Variants in TPRG1 observed in about 807,000 individuals in gnomAD.
TPRG1 encodes the protein tumor protein p63 regulated 1, also known as tumor protein p63-regulated gene 1 protein.
TPRG1 carries 29 observed loss-of-function variants against 29.3 expected under a neutral mutation model. The observed-to-expected ratio is 0.99, with a 90% confidence interval of 0.74 to 1.35. TPRG1 has a LOEUF of 1.35. Among genes scored for constraint, TPRG1 ranks in the 40% most tolerant of loss-of-function variants. The probability of loss-of-function intolerance (pLI) is 0.00; values close to 1 mark genes in which losing one functional copy is unlikely to be tolerated. For missense variants in TPRG1, 327 were observed against 335.0 expected (o/e 0.98, Z 0.19); for synonymous variants, 130 against 116.8 (o/e 1.11, Z -0.73).
At chr3:189,078,606 GT>G (rs1429896318) in intron 4 of TPRG1, among the ~76,000 whole-genome samples, 2 of 152,124 alleles carry the variant, frequency 1.3e-5, no homozygotes. Context: ...GTCTTATTAA[GT>G]ACTGTAAGCT....
rs55935182 is a variant in TPRG1, at chr3:189,085,447, ATGTG to A, written c.-462-41586_-462-41583del. ...ATTCCTCGTGTCTGTGTGTGTGTGC[ATGTG>A]TGTGTGTGTGTGTGTGTGTGTGTAT... On this transcript the variant is annotated intron_variant, in intron 4 of 10. Coordinates refer to the TPRG1 transcript ENST00000433971. Among the ~76,000 whole-genome samples, 1,160 of 121,900 alleles carry A rather than the reference ATGTG, an allele frequency of 9.5e-3. 52 individuals carry two copies. In the East Asian group the frequency reaches 0.16, roughly 16 times the overall value. 80.0% of individuals were successfully genotyped at this position (121,900 alleles called of 152,430 possible).
At chr3:189,252,104 T>G (rs1200188850) in intron 4 of TPRG1, among the ~76,000 whole-genome samples, 1 of 152,182 alleles carries the variant, frequency 6.6e-6, no homozygotes, top group South Asian at 2.1e-4. Context: ...TTAAGGAGCA[T>G]GCTGCCTTCA....
chr3:189,217,490 C>T (rs1445312474), intron 3 of TPRG1, among the ~76,000 whole-genome samples: 1 of 152,170 alleles, frequency 6.6e-6, no homozygotes, highest in African/African-American at 2.4e-5. Flanking sequence ...ACCCATCCAT[C>T]CCCTTTAAAT....
chr3:189,115,588 C>T (rs1721069169), intron 1 of TPRG1, among the ~76,000 whole-genome samples: 1 of 152,158 alleles, frequency 6.6e-6, no homozygotes. Flanking sequence ...TAATGGCTCT[C>T]TTACACAATA....
intron 4 of TPRG1, among the ~76,000 whole-genome samples, chr3:189,262,451 T>C (rs1713286291): frequency 6.6e-6 from 1 of 151,994 alleles, no homozygotes; most frequent in South Asian, 2.1e-4. Flanking sequence ...TCAAGTGTCA[T>C]CTGTTGAGCA....
chr3:189,000,997 G>C (rs1030490305), intron 2 of TPRG1: 1 of 152,118 alleles, frequency 6.6e-6, no homozygotes, highest in African/African-American at 2.4e-5. Context: ...GTCTCCCAAA[G>C]TGTTGGGATT....
chr3:189,047,020 T>A (rs183090989), intron 4 of TPRG1, among the ~76,000 whole-genome samples: 99 of 152,290 alleles, frequency 6.5e-4, no homozygotes, highest in Non-Finnish European at 1.0e-3. Flanking sequence ...TGAAGTATCC[T>A]GGAATTGAAG....
intron 3 of TPRG1, among the ~76,000 whole-genome samples, chr3:189,008,793 G>A (rs911194535): frequency 1.3e-5 from 2 of 152,232 alleles, no homozygotes; most frequent in African/African-American, 4.8e-5. Context: ...AACAGCCATC[G>A]GGCTAGTCCC....
chr3:189,251,444 A>G (rs917540423), intron 4 of TPRG1, among the ~76,000 whole-genome samples: 2 of 152,098 alleles, frequency 1.3e-5, no homozygotes, highest in African/African-American at 2.4e-5. Context: ...GAAAAGAAAA[A>G]GACACAAAGA....
At chr3:189,017,430 C>T (rs1713005996) in intron 3 of TPRG1, among the ~76,000 whole-genome samples, 1 of 152,018 alleles carries the variant, frequency 6.6e-6, no homozygotes, top group Non-Finnish European at 1.5e-5. Context: ...CTTCCTGTGT[C>T]CATGTGATCT....
At chr3:189,292,515 C>G (rs78985966) in intron 4 of TPRG1, among the ~76,000 whole-genome samples, 1 of 151,916 alleles carries the variant, frequency 6.6e-6, no homozygotes, top group Non-Finnish European at 1.5e-5. Flanking sequence ...TAACACACAG[C>G]TAATAGGGCT....
intron 4 of TPRG1, among the ~76,000 whole-genome samples, chr3:189,239,348 C>A (rs1428086859): frequency 6.6e-6 from 1 of 152,126 alleles, no homozygotes; most frequent in African/African-American, 2.4e-5. Context: ...AGACTGGACC[C>A]CATGGTTCAA....
chr3:189,244,017 A>C (rs1398019926), intron 4 of TPRG1, among the ~76,000 whole-genome samples: 1 of 152,056 alleles, frequency 6.6e-6, no homozygotes, highest in African/African-American at 2.4e-5. Flanking sequence ...CCCAATTTCA[A>C]AGTTGCTTCC....
At chr3:189,199,597 T>A (rs1246361396) in intron 1 of TPRG1, among the ~76,000 whole-genome samples, 1 of 152,130 alleles carries the variant, frequency 6.6e-6, no homozygotes, top group Non-Finnish European at 1.5e-5. Context: ...CCCAGCACTT[T>A]TGGGAAGCCG....
chr3:189,216,638 C>T (rs1736111094), intron 3 of TPRG1, among the ~76,000 whole-genome samples: 1 of 152,098 alleles, frequency 6.6e-6, no homozygotes, highest in African/African-American at 2.4e-5. Context: ...CTGTTAGTGC[C>T]CCTCTTCGTT....
rs535228992 is a variant in TPRG1, at chr3:189,089,876, A to G, written c.-462-37181A>G. On this transcript the variant is annotated intron_variant, in intron 4 of 10. Transcript: ENST00000433971. The stretch of plus-strand genomic sequence containing the variant: ...ATTTAAACCATAGCAACTGATAATA[A>G]TATTTTTTATTTTGTTTGTCTTCTT... 1.3e-3 allele frequency among the ~76,000 whole-genome samples: 201 copies of G among 152,200 alleles called. 8 individuals are homozygous for G. The South Asian group carries it at 0.04, about 30-fold the overall frequency.
intron 4 of TPRG1, among the ~76,000 whole-genome samples, chr3:189,042,537 C>T (rs1053987224): frequency 3.9e-5 from 6 of 152,178 alleles, no homozygotes; most frequent in South Asian, 4.2e-4. Context: ...AGGAGGAAGA[C>T]GTTGTATCTT....
intron 3 of TPRG1, among the ~76,000 whole-genome samples, chr3:189,016,787 T>C (rs567080067): frequency 6.6e-6 from 1 of 152,302 alleles, no homozygotes; most frequent in East Asian, 1.9e-4. Context: ...GTCCCTTGCT[T>C]CCCCTTCACC....
chr3:189,294,803 TAC>T (rs10544733), intron 4 of TPRG1, among the ~76,000 whole-genome samples: 13,320 of 149,278 alleles, frequency 0.089, 1,209 homozygotes, highest in African/African-American at 0.24. Flanking sequence ...CCCTTACAGT[TAC>T]ACACACACAC....
Sources: gnomAD v4.1 joint callset for allele counts (sites outside exome capture counted in the v4.1 genomes callset) on GRCh38, gnomAD v4.1.1 for gene constraint, MANE v1.5 for transcripts, NCBI Gene and HGNC (gene_info 2026-07-23, HGNC 2026-07-21) for gene names.